The following KIDINS220 variants were observed in gnomAD, a reference collection of about 807,000 sequenced individuals.
KIDINS220 encodes the protein kinase D-interacting substrate of 220 kDa.
Under a neutral mutation model 157.6 loss-of-function variants are expected in KIDINS220, and 63 were observed. The ratio of observed to expected loss-of-function variants is 0.40; its 90% CI spans 0.33 to 0.49. The LOEUF (loss-of-function observed/expected upper bound fraction) is 0.49. Among genes scored for constraint, KIDINS220 ranks in the 20% least tolerant of loss-of-function variants. The pLI is 0.66. For missense variants in KIDINS220, 1,772 were observed against 2,171.2 expected, an observed-to-expected ratio of 0.82 and a Z score of 3.65; for synonymous variants, 732 against 783.6, an observed-to-expected ratio of 0.93 and a Z score of 1.10.
intron 7 of KIDINS220, among the ~76,000 whole-genome samples, chr2:8,803,832 G>A (rs1181917720): frequency 6.6e-6 from 1 of 152,072 alleles, no homozygotes; most frequent in Non-Finnish European, 1.5e-5. Flanking sequence ...CAACATATGA[G>A]ACTCTGTCTC....
In KIDINS220 at chr2:8,817,698, T is replaced by A; in HGVS notation, c.226A>T (p.Ile76Leu). The A allele has an allele frequency of 6.2e-7, 1 of 1,604,960 alleles. No homozygotes were observed. The highest frequency in any genetic ancestry group is 8.5e-7 in the Non-Finnish European group (1 of 1,175,108). The stretch of plus-strand genomic sequence containing the variant: ...ACATGCCCTTCTTTCGATGCAGATA[T>A]AAGTGCTGTCCAATTATCCTTGAAC... Reference protein sequence around the residue: ...LEDLDNWTALISASKEGHVHI... With the variant: ...LEDLDNWTALLSASKEGHVHI... Residue 76 changes from isoleucine to leucine, a missense_variant, in exon 4 of 30, where the codon ATA (isoleucine) becomes TTA (leucine). This residue lies in a region of KIDINS220 where 254 missense variants were observed against 268.6 expected (regional missense o/e 0.95). Transcript: ENST00000256707.
At chr2:8,779,186 C>T in intron 18 of KIDINS220, 47 bp from the exon 19 acceptor site, 1 of 1,592,912 alleles carries the variant, frequency 6.3e-7, no homozygotes. Context: ...TTAAATTGTC[C>T]AAAAGAATAA....
In KIDINS220 at chr2:8,798,252, T is replaced by C. The variant is rs1674230605; in HGVS notation, c.949A>G (p.Met317Val). The C allele has an allele frequency of 6.2e-7, 1 of 1,613,004 alleles. No individual in the cohort carries two copies. Among genetic ancestry groups the C allele is most frequent in the Admixed American group, 1.7e-5 (1 of 60,026 alleles). ...TTGCACTGTAAGATATCTCTCACCA[T>C]TGTTGCATTTCCTTTCTCAACAGCC... ...YWAVEKGNATMVRDILQCNPD... is the reference protein window; with the variant it reads ...YWAVEKGNATVVRDILQCNPD... Residue 317 changes from methionine to valine, a missense_variant, in exon 10 of 30, where the codon ATG (methionine) becomes GTG (valine). By Grantham distance (21) the Met-to-Val change is conservative. Coordinates refer to ENST00000256707, the MANE Select transcript of KIDINS220 (RefSeq NM_020738.4).
At chr2:8,727,125 G>T (rs1663396870), downstream of KIDINS220, 1 of 1,104,232 alleles carries the variant, frequency 9.1e-7, no homozygotes, top group Non-Finnish European at 1.2e-6. Context: ...GAATTCTGAG[G>T]TAGGGAAGGA....
At chr2:8,751,437 G>T (rs367683465) in intron 23 of KIDINS220, 29 bp downstream of exon 23, 48 of 1,548,074 alleles carry the variant, frequency 3.1e-5, no homozygotes, top group Non-Finnish European at 3.7e-5. Context: ...AACTTTAGAT[G>T]AAAAATTAAA....
In KIDINS220 at chr2:8,729,522, C is replaced by T; in HGVS notation, c.*1198G>A. ...AGTCCACACAGTACTTCAATGTGACCATTCTCTTAACTCGGCTAATAATTA... is the reference window on the plus strand; with the variant it reads ...AGTCCACACAGTACTTCAATGTGACTATTCTCTTAACTCGGCTAATAATTA... On this transcript the variant is annotated 3_prime_UTR_variant, in exon 30 of 30. Transcript: ENST00000256707. 1 of 983,628 alleles carries T rather than the reference C, an allele frequency of 1.0e-6. No individual in the cohort carries two copies. The highest frequency in any genetic ancestry group is 1.2e-6 in the Non-Finnish European group (1 of 828,300). The allele number at this position is 983,628 out of a possible 1,614,324, so 60.9% of individuals were successfully genotyped here. A position where few individuals can be genotyped will look rare whatever the true frequency, so the allele number is the denominator to read the frequency against.
chr2:8,774,206 G>T (rs1301730963), intron 21 of KIDINS220, among the ~76,000 whole-genome samples: 1 of 150,336 alleles, frequency 6.7e-6, no homozygotes, highest in Non-Finnish European at 1.5e-5. Flanking sequence ...TGGGGCAGGA[G>T]AATCACTTAA....
At chr2:8,801,766 C>A (rs567174924) in intron 8 of KIDINS220, among the ~76,000 whole-genome samples, 3 of 152,150 alleles carry the variant, frequency 2.0e-5, no homozygotes, top group Admixed American at 2.0e-4. Flanking sequence ...ATTAGCCAGG[C>A]GTGGTGGCAT....
chr2:8,813,253 G>T lies in KIDINS220; in HGVS notation c.389C>A (p.Pro130Gln). 6.2e-7 allele frequency: 1 copy of T among 1,612,346 alleles called. No homozygotes were observed. Among genetic ancestry groups the T allele is most frequent in the East Asian group, 2.2e-5 (1 of 44,766 alleles). The change falls in exon 5 of 30, where the codon CCA becomes CAA. Residue 130 changes from proline to glutamine, a missense_variant. Transcript: ENST00000256707. ...VELLLSHGAN[P>Q]SVTGLYSVYP... ...AATGCTTACCAGACCAGTGACACTT[G>T]GATTGGCACCATGAGAAAGAAGCAA... is the stretch of plus-strand genomic sequence containing the variant.
intron 21 of KIDINS220, among the ~76,000 whole-genome samples, chr2:8,776,512 A>AT (rs1446432186): frequency 3.9e-4 from 60 of 152,214 alleles, no homozygotes; most frequent in Non-Finnish European, 3.5e-4. Flanking sequence ...GAAGCAAAAG[A>AT]TTTTTTAAAT....
rs773298069 is a variant in KIDINS220, at chr2:8,786,203, T to C, written c.1939+3A>G. The C allele has an allele frequency of 5.0e-6, 8 of 1,613,922 alleles. No individual in the cohort carries two copies. In the Admixed American group the frequency reaches 1.3e-4, roughly 27 times the overall value. On this transcript the variant is annotated splice_donor_region_variant and intron_variant, in intron 16 of 29. Coordinates refer to ENST00000256707, the MANE Select transcript of KIDINS220 (RefSeq NM_020738.4). ...CACAAAGAAGGAAGGAAGGAAATCC[T>C]ACCCTGAGTATCTTCAGTCTTGAAT...
chr2:8,744,801 T>TA (rs2148019802), intron 26 of KIDINS220, among the ~76,000 whole-genome samples: 2 of 152,264 alleles, frequency 1.3e-5, no homozygotes, highest in South Asian at 4.1e-4. Flanking sequence ...TTAGTTTTTC[T>TA]AGGCTTCGAC....
At chr2:8,785,613 G>T in intron 17 of KIDINS220, 128 bp downstream of exon 17, 2 of 842,590 alleles carry the variant, frequency 2.4e-6, no homozygotes, top group South Asian at 1.8e-5. Flanking sequence ...ATGAATGAAT[G>T]AACAAATTAA....
rs369237426 is a variant in KIDINS220, at chr2:8,791,082, A to G, written c.1419T>C (p.Ser473=). The G allele has an allele frequency of 1.2e-5, 20 of 1,613,438 alleles. No homozygotes were observed. Among genetic ancestry groups the G allele is most frequent in the Non-Finnish European group, 1.7e-5 (20 of 1,179,716 alleles). ...GLYAQWGSGK[S]FLLKKLEDEM... The stretch of plus-strand genomic sequence containing the variant: ...TACCTTCTAGTTTCTTGAGTAAGAA[A>G]GATTTCCCACTTCCCCACTGTGCAT... Residue 473 remains serine, a synonymous_variant, in exon 13 of 30, where the codon TCT becomes TCC. Transcript: ENST00000256707.
intron 26 of KIDINS220, among the ~76,000 whole-genome samples, chr2:8,741,922 G>A (rs1665678747): frequency 6.6e-6 from 1 of 152,160 alleles, no homozygotes; most frequent in South Asian, 2.1e-4. Flanking sequence ...TGGTGTTAAA[G>A]CTGGTTGAGG....
intron 22 of KIDINS220, chr2:8,757,617 C>A (rs1433692749): frequency 8.1e-6 from 13 of 1,601,616 alleles, no homozygotes; most frequent in Admixed American, 1.7e-5. Flanking sequence ...TCCTTCGAGG[C>A]AGATAACCCA....
chr2:8,770,777 C>G lies in KIDINS220; in HGVS notation c.2904G>C (p.Trp968Cys), dbSNP rs1670101609. Reference sequence around the variant, plus strand: ...ATGGCCACTGCTCAGTAAGGTTGATCCAGCTAGCAAGCCTGTCCCAGTTGA... The same window carrying G: ...ATGGCCACTGCTCAGTAAGGTTGATGCAGCTAGCAAGCCTGTCCCAGTTGA... The part of the protein sequence containing the change: ...ISFNWDRLAS[W>C]INLTEQWPYR... The change falls in exon 22 of 30, where the codon TGG becomes TGC. Residue 968 changes from tryptophan (W) to cysteine (C), a missense_variant. This residue lies in a region of KIDINS220 where 725 missense variants were observed against 1,017.1 expected (regional missense o/e 0.71). Transcript: ENST00000256707. 6.2e-7 allele frequency: 1 copy of G among 1,612,624 alleles called. No homozygotes were observed. The highest frequency in any genetic ancestry group is 8.5e-7 in the Non-Finnish European group (1 of 1,179,134).
At chr2:8,804,542 T>C (rs1318299447) in intron 7 of KIDINS220, among the ~76,000 whole-genome samples, 1 of 152,216 alleles carries the variant, frequency 6.6e-6, no homozygotes, top group African/African-American at 2.4e-5. Flanking sequence ...CTTTCTGGCT[T>C]CTGACAGCTG....
At chr2:8,740,359 A>C (rs1013812089) in intron 26 of KIDINS220, among the ~76,000 whole-genome samples, 5 of 151,872 alleles carry the variant, frequency 3.3e-5, no homozygotes, top group African/African-American at 7.2e-5. Flanking sequence ...ATGCACACAC[A>C]CCCCCAACCA....
Sources: gnomAD v4.1 joint callset for allele counts (sites outside exome capture counted in the v4.1 genomes callset) on GRCh38, gnomAD v4.1.1 for gene constraint, gnomAD v4.1.1 regional missense constraint, MANE v1.5 for transcripts, NCBI Gene and HGNC (gene_info 2026-07-23, HGNC 2026-07-21) for gene names.